AP3B1: variants seen among roughly 807,000 people sequenced by gnomAD.
AP3B1 encodes the protein AP-3 complex subunit beta-1.
A neutral mutation model predicts 132.5 loss-of-function variants in AP3B1; 61 were observed. That is an observed-to-expected ratio of 0.46 (90% CI 0.37 to 0.57). AP3B1 has a LOEUF of 0.57. Ranked by LOEUF, AP3B1 falls within the 20% of genes least tolerant of loss-of-function variation. The pLI is 0.00. For synonymous variants in AP3B1, 388 were observed against 438.3 expected, an observed-to-expected ratio of 0.89 and a Z score of 1.43; for missense variants, 1,120 against 1,289.4, an observed-to-expected ratio of 0.87 and a Z score of 2.01.
chr5:78,208,519 A>G (rs190644655), intron 7 of AP3B1, among the ~76,000 whole-genome samples: 200 of 152,342 alleles, frequency 1.3e-3, no homozygotes, highest in Non-Finnish European at 2.1e-3. Flanking sequence ...CATATGTCAA[A>G]TAAGTCTGTC....
rs780143358 is a variant in AP3B1, at chr5:78,015,497, T to C, written c.3044A>G (p.Gln1015Arg). 4.3e-6 allele frequency: 7 copies of C among 1,613,516 alleles called. No individual in the cohort carries two copies. In the Admixed American group the frequency reaches 6.7e-5, roughly 15 times the overall value. The stretch of plus-strand genomic sequence containing the variant: ...AAAGATCACAGAGGGAGTGAAATTC[T>C]GTGGTGCAGCAATGATTACAGCAGA... ...ETSAVIIAAP[Q>R]NFTPSVIFQK... The change falls in exon 26 of 27, where the codon CAG becomes CGG. Residue 1015 changes from glutamine (Q) to arginine (R), a missense_variant. Coordinates refer to ENST00000255194, the MANE Select transcript of AP3B1 (RefSeq NM_003664.5).
intron 22 of AP3B1, among the ~76,000 whole-genome samples, chr5:78,051,053 C>T (rs1346153246): frequency 1.3e-5 from 2 of 152,126 alleles, no homozygotes; most frequent in African/African-American, 4.8e-5. Flanking sequence ...GCAGACACAA[C>T]ATTATTTCTA....
At chr5:78,236,401 T>C (rs1746881557) in intron 3 of AP3B1, among the ~76,000 whole-genome samples, 1 of 151,866 alleles carries the variant, frequency 6.6e-6, no homozygotes, top group Non-Finnish European at 1.5e-5. Flanking sequence ...GGATGGCTAA[T>C]GCCAGATGTT....
chr5:78,184,238 G>T (rs1010021557), intron 7 of AP3B1, among the ~76,000 whole-genome samples: 1 of 151,724 alleles, frequency 6.6e-6, no homozygotes, highest in Non-Finnish European at 1.5e-5. Flanking sequence ...AACTGTTAAC[G>T]ACTGGCAAAT....
chr5:78,134,691 C>T (rs1752835293), intron 15 of AP3B1, among the ~76,000 whole-genome samples: 1 of 152,162 alleles, frequency 6.6e-6, no homozygotes, highest in Non-Finnish European at 1.5e-5. Context: ...CAGGCATGTG[C>T]CACCACACCC....
chr5:78,109,351 C>T (rs566515080), intron 20 of AP3B1, among the ~76,000 whole-genome samples: 2 of 152,194 alleles, frequency 1.3e-5, no homozygotes, highest in African/African-American at 4.8e-5. Context: ...AATTTTCATC[C>T]TTGCCTACTC....
intron 7 of AP3B1, among the ~76,000 whole-genome samples, chr5:78,210,249 T>A (rs1267344073): frequency 2.6e-5 from 4 of 152,126 alleles, no homozygotes; most frequent in Admixed American, 1.3e-4. Flanking sequence ...AAATTAAAAC[T>A]CAATAATCTC....
chr5:78,267,779 G>C (rs893735748), intron 1 of AP3B1, among the ~76,000 whole-genome samples, 184 bp from the exon 2 acceptor site: 8 of 152,126 alleles, frequency 5.3e-5, no homozygotes, highest in Non-Finnish European at 1.2e-4. Flanking sequence ...CCAACACCTT[G>C]ATCTTGTACT....
At chr5:78,051,966 TCAATCCA>T (rs1748601773) in intron 22 of AP3B1, among the ~76,000 whole-genome samples, 6 of 151,504 alleles carry the variant, frequency 4.0e-5, no homozygotes, top group African/African-American at 1.5e-4. Flanking sequence ...GATTTTACCT[TCAATCCA>T]TTTCATTGAG....
Position 78,117,335 on chromosome 5 carries a change from A to G in AP3B1, c.1969-1101T>C, listed in dbSNP as rs184568492. The stretch of plus-strand genomic sequence containing the variant: ...CAATTTTTTTTTTTTTTTGAGACGG[A>G]GTCTCGCTCCGTCGCCCAGGCTGGA... On this transcript the variant is annotated intron_variant, in intron 17 of 26. Coordinates refer to ENST00000255194, the MANE Select transcript of AP3B1 (RefSeq NM_003664.5). Among the ~76,000 whole-genome samples the G allele has an allele frequency of 1.0e-4, 15 of 147,486 alleles. No individual in the cohort carries two copies. In the East Asian group the frequency reaches 2.6e-3, roughly 25 times the overall value.
rs1459496759 is a variant in AP3B1 at position 78,216,211 on chromosome 5, A to G, written c.630T>C (p.Ala210=). ...TTCTGTCCGGGCATACTTCTTCAAA[A>G]GCCATCACAACACTGCCAGCTACCA... ...STLVAGSVVM[A]FEEVCPDRID... is the part of the protein sequence containing the mutation. The change falls in exon 7 of 27, where the codon GCT becomes GCC. Residue 210 remains alanine, a synonymous_variant. Transcript: ENST00000255194. 1 of 1,614,014 alleles carries G rather than the reference A, an allele frequency of 6.2e-7. No individual in the cohort carries two copies. Among genetic ancestry groups the G allele is most frequent in the Non-Finnish European group, 8.5e-7 (1 of 1,179,942 alleles).
At chr5:78,195,318 T>C (rs188235678) in intron 7 of AP3B1, among the ~76,000 whole-genome samples, 39 of 152,264 alleles carry the variant, frequency 2.6e-4, no homozygotes, top group Admixed American at 1.6e-3. Context: ...TTTATGTATG[T>C]TTAAAGTTTC....
chr5:78,109,486 GT>G (rs1751481158), intron 20 of AP3B1, among the ~76,000 whole-genome samples: 1 of 152,048 alleles, frequency 6.6e-6, no homozygotes. Context: ...GAATAACACA[GT>G]TGTATATAAA....
At chr5:78,264,516 A>G (rs1748236708) in intron 2 of AP3B1, among the ~76,000 whole-genome samples, 2 of 152,214 alleles carry the variant, frequency 1.3e-5, no homozygotes, top group Non-Finnish European at 2.9e-5. Context: ...AAAGTTCTAT[A>G]GGTGTCACAT....
At chr5:78,177,144 T>C (rs950821586) in intron 9 of AP3B1, among the ~76,000 whole-genome samples, 195 bp downstream of exon 9, 6 of 152,162 alleles carry the variant, frequency 3.9e-5, no homozygotes, top group South Asian at 4.1e-4. Context: ...GGTTAAAAAG[T>C]TTCAGTATTT....
At chr5:78,127,783 G>T (rs1752521180) in intron 17 of AP3B1, among the ~76,000 whole-genome samples, 1 of 152,078 alleles carries the variant, frequency 6.6e-6, no homozygotes, top group African/African-American at 2.4e-5. Context: ...CACAAATGTG[G>T]GTGGCACTGA....
At position 78,113,845 on chromosome 5, in the gene AP3B1, T is replaced by C. The variant is rs1171160080; in HGVS notation, c.2156A>G (p.Asp719Gly). 6.2e-7 allele frequency: 1 copy of C among 1,614,052 alleles called. No homozygotes were observed. Among genetic ancestry groups the C allele is most frequent in the Non-Finnish European group, 8.5e-7 (1 of 1,179,998 alleles). ...EGDSNEDSSE[D>G]SSSEQDSESG... is the part of the protein sequence containing the mutation. ...CTCACTGTCCTGCTCACTGGAGGAG[T>C]CCTCACTGCTGTCCTCATTGCTGTC... The change falls in exon 19 of 27, where the codon GAC becomes GGC. Residue 719 changes from aspartate (D) to glycine (G), a missense_variant. Asp to Gly is a moderately conservative substitution (Grantham distance 94). This residue lies in a region of AP3B1 where 906 missense variants were observed against 997.1 expected (regional missense o/e 0.91). Transcript: ENST00000255194.
chr5:78,100,039 T>C lies in AP3B1; in HGVS notation c.2470+914A>G, dbSNP rs1268556492. ...TCCAAATCTTAGCAACACTGGATGA[T>C]ACCAAACCTCAAAATCTTAGCCAAT... On this transcript the variant is annotated intron_variant, in intron 21 of 26. Coordinates refer to ENST00000255194, the MANE Select transcript of AP3B1 (RefSeq NM_003664.5). Among the ~76,000 whole-genome samples the C allele has an allele frequency of 2.0e-5, 3 of 152,160 alleles. No homozygotes were observed. The East Asian group carries it at 5.8e-4, about 29-fold the overall frequency.
At chr5:78,068,016 C>A (rs549112296) in intron 22 of AP3B1, among the ~76,000 whole-genome samples, 1 of 151,912 alleles carries the variant, frequency 6.6e-6, no homozygotes, top group African/African-American at 2.4e-5. Flanking sequence ...AAAGAGACCA[C>A]TAGCTAGACT....
Sources: allele counts gnomAD v4.1 joint callset (sites outside exome capture counted in the v4.1 genomes callset), GRCh38; gene constraint gnomAD v4.1.1; regional missense constraint gnomAD v4.1.1; transcripts MANE v1.5; gene names NCBI Gene and HGNC (gene_info 2026-07-23, HGNC 2026-07-21).